Variants in DLK1 observed in about 807,000 individuals in gnomAD.
DLK1 encodes the protein protein delta homolog 1.
A neutral mutation model predicts 35.2 loss-of-function variants in DLK1; 9 were observed. The observed-to-expected ratio is 0.26, with a 90% confidence interval of 0.15 to 0.45. DLK1 has a LOEUF of 0.45. Among genes scored for constraint, DLK1 ranks in the 20% least tolerant of loss-of-function variants. The pLI is 1.00. For missense variants in DLK1, 522 were observed against 528.5 expected (o/e 0.99, Z 0.12); for synonymous variants, 231 against 228.4 (o/e 1.01, Z -0.10).
intron 3 of DLK1, among the ~76,000 whole-genome samples, chr14:100,729,663 C>G (rs536301915): frequency 6.6e-6 from 1 of 152,302 alleles, no homozygotes; most frequent in African/African-American, 2.4e-5. Context: ...TGGGTGTTAT[C>G]TGTTGATTTC....
rs866286349 is a variant in DLK1 at position 100,728,633 on chromosome 14, G to A, written c.131+174G>A. Reference sequence around the variant, plus strand: ...GGGGAGATGGGGGGGGCGGGGGGGGGGCAGCCACAGCTCCTGTCTGCGTTC... The same window carrying A: ...GGGGAGATGGGGGGGGCGGGGGGGGAGCAGCCACAGCTCCTGTCTGCGTTC... On this transcript the variant is annotated intron_variant, in intron 2 of 4. Coordinates refer to ENST00000341267, the MANE Select transcript of DLK1 (RefSeq NM_003836.7). The A allele has an allele frequency of 1.6e-5, 4 of 255,234 alleles. No individual in the cohort carries two copies. In the South Asian group the frequency reaches 1.8e-4, roughly 11 times the overall value. 15.8% of individuals were successfully genotyped at this position (255,234 alleles called of 1,614,324 possible). A position where few individuals can be genotyped will look rare whatever the true frequency, so the allele number is the denominator to read the frequency against.
At chr14:100,728,794 G>T (rs1156263904) in intron 2 of DLK1, 142 bp from the exon 3 acceptor site, 9 of 1,117,862 alleles carry the variant, frequency 8.1e-6, no homozygotes, top group African/African-American at 6.2e-5. Context: ...CATTCAGGTG[G>T]CTGGTGTTTA....
In DLK1 at chr14:100,727,012, C is replaced by T; in HGVS notation, c.-57C>T. ...CGCAACCAGAAGCCCAGTGCGGCGC[C>T]AGGAGCCGGACCCGCGCCCGCACCG... is the stretch of plus-strand genomic sequence containing the variant. On this transcript the variant is annotated 5_prime_UTR_variant, in exon 1 of 5. Coordinates refer to ENST00000341267, the MANE Select transcript of DLK1 (RefSeq NM_003836.7). The T allele has an allele frequency of 6.7e-7, 1 of 1,487,472 alleles. No homozygotes were observed. Among genetic ancestry groups the T allele is most frequent in the Non-Finnish European group, 8.9e-7 (1 of 1,120,082 alleles). 92.1% of individuals were successfully genotyped at this position (1,487,472 alleles called of 1,614,324 possible). A position where few individuals can be genotyped will look rare whatever the true frequency, so the allele number is the denominator to read the frequency against.
intron 3 of DLK1, among the ~76,000 whole-genome samples, chr14:100,729,652 A>T (rs1005461474): frequency 1.4e-4 from 22 of 152,174 alleles, no homozygotes; most frequent in African/African-American, 5.3e-4. Context: ...TAAAGTGAAG[A>T]TGGGTGTTAT....
At position 100,732,131 on chromosome 14, in the gene DLK1, G is replaced by C. The variant is rs781062510; in HGVS notation, c.352G>C (p.Gly118Arg). 24 of 1,613,998 alleles carry C rather than the reference G, an allele frequency of 1.5e-5. No individual in the cohort carries two copies. The African/African-American group carries it at 2.8e-4, about 19-fold the overall frequency. Residue 118 changes from glycine (G) to arginine (R), a missense_variant, in exon 4 of 5, where the codon GGG (glycine) becomes CGG (arginine). Transcript: ENST00000341267. ...DGLYECSCAP[G>R]YSGKDCQKKD... ...CCTCTATGAATGCTCCTGTGCCCCC[G>C]GGTACTCGGGAAAGGACTGCCAGAA...
At chr14:100,731,460 AAGAG>A (rs893593632) in intron 3 of DLK1, among the ~76,000 whole-genome samples, 1 of 152,110 alleles carries the variant, frequency 6.6e-6, no homozygotes, top group African/African-American at 2.4e-5. Context: ...TGAGTGCAGA[AAGAG>A]AGACCACAGG....
chr14:100,737,798 C>G lies in DLK1; in HGVS notation c.*2902C>G, dbSNP rs1162181265. 1 of 152,234 alleles carries G rather than the reference C, an allele frequency of 6.6e-6. No homozygotes were observed. The highest frequency in any genetic ancestry group is 1.5e-5 in the Non-Finnish European group (1 of 68,076). The allele number at this position is 152,234 out of a possible 1,614,324, so 9.4% of individuals were successfully genotyped here. A position where few individuals can be genotyped will look rare whatever the true frequency, so the allele number is the denominator to read the frequency against. On this transcript the variant is annotated 3_prime_UTR_variant, in exon 5 of 5. Coordinates refer to ENST00000341267, the MANE Select transcript of DLK1 (RefSeq NM_003836.7). The stretch of plus-strand genomic sequence containing the variant: ...TTCCCACGCAACAAATTATCTATTA[C>G]CAGCACCCGATGAGGCCGTCCCTCC...
intron 1 of DLK1, 110 bp downstream of exon 1, chr14:100,727,245 C>G: frequency 8.8e-7 from 1 of 1,136,552 alleles, no homozygotes; most frequent in South Asian, 1.8e-5. Flanking sequence ...CTCCGCCCGT[C>G]CCGCCTAGCC....
rs1402064877 is a variant in DLK1, at chr14:100,737,490, G to C, written c.*2594G>C. 1 of 152,058 alleles carries C rather than the reference G, an allele frequency of 6.6e-6. No homozygotes were observed. 9.4% of individuals were successfully genotyped at this position (152,058 alleles called of 1,614,324 possible). On this transcript the variant is annotated 3_prime_UTR_variant, in exon 5 of 5. Transcript: ENST00000341267. ...CTATAGAGAACAGCCATGTTCCCCT[G>C]ATAACAAGAAAAAGACGTCCCACGG...
chr14:100,727,173 G>A, intron 1 of DLK1, 38 bp downstream of exon 1: 1 of 1,523,560 alleles, frequency 6.6e-7, no homozygotes, highest in Non-Finnish European at 8.8e-7. Context: ...CCCCCTCTGG[G>A]GAAGCCTGCG....
rs1011988701 is a variant in DLK1, at chr14:100,737,235, A to G, written c.*2339A>G. ...CTCTTCCTTCCCCACGAAGTCATTC[A>G]TAAGTCACCATCTCATCTCATTTTG... On this transcript the variant is annotated 3_prime_UTR_variant, in exon 5 of 5. Transcript: ENST00000341267. The G allele has an allele frequency of 7.0e-6, 1 of 142,036 alleles. No individual in the cohort carries two copies. The highest frequency in any genetic ancestry group is 1.5e-5 in the Non-Finnish European group (1 of 66,310). The allele number at this position is 142,036 out of a possible 1,614,324, so 8.8% of individuals were successfully genotyped here.
chr14:100,728,523 G>C, intron 2 of DLK1, 64 bp downstream of exon 2: 1 of 1,571,708 alleles, frequency 6.4e-7, no homozygotes, highest in Non-Finnish European at 8.7e-7. Context: ...GAGTCGTGAA[G>C]TCAGGCAGAA....
rs377178293 is a variant in DLK1, at chr14:100,734,809, C to T, written c.1065C>T (p.Ser355=). The T allele has an allele frequency of 1.5e-4, 235 of 1,613,684 alleles. No individual in the cohort carries two copies. Among genetic ancestry groups the T allele is most frequent in the Non-Finnish European group, 1.8e-4 (218 of 1,179,970 alleles). The change falls in exon 5 of 5, where the codon AGC becomes AGT. Residue 355 remains serine, a synonymous_variant. Transcript: ENST00000341267. The surrounding 1 kb of genome is among the most constrained non-coding windows in gnomAD (Gnocchi z 7.4). The stretch of plus-strand genomic sequence containing the variant: ...AGAACCTGCTGCTTCAGTACAACAG[C>T]GGGGAGGACCTGGCCGTCAACATCA... The part of the protein sequence containing the change: ...KKKNLLLQYN[S]GEDLAVNIIF...
chr14:100,732,704 G>A (rs534681866), intron 4 of DLK1, among the ~76,000 whole-genome samples: 9 of 152,274 alleles, frequency 5.9e-5, no homozygotes, highest in Non-Finnish European at 1.0e-4. Flanking sequence ...CAGTGGGGAA[G>A]GGGGCTTTGG....
At chr14:100,728,579 GCCCCTGCAGAAAACTGGT>G in intron 2 of DLK1, 120 bp downstream of exon 2, 1 of 688,418 alleles carries the variant, frequency 1.5e-6, no homozygotes. Context: ...CAGCTTCCGG[GCCCCTGCAGAAAACTGGT>G]GGGGCGAGCT....
At chr14:100,731,942 C>T in intron 3 of DLK1, 100 bp from the exon 4 acceptor site, 1 of 1,441,360 alleles carries the variant, frequency 6.9e-7, no homozygotes, top group African/African-American at 1.4e-5. Context: ...CTCCAGACCC[C>T]ACTCGGTGGC....
rs763725446 is a variant in DLK1 at position 100,734,660 on chromosome 14, T to G, written c.916T>G (p.Cys306Gly). Residue 306 changes from cysteine to glycine, a missense_variant, in exon 5 of 5, where the codon TGC (cysteine) becomes GGC (glycine). Physicochemically the swap from Cys to Gly is radical, Grantham distance 159 (BLOSUM62 -3). Coordinates refer to ENST00000341267, the MANE Select transcript of DLK1 (RefSeq NM_003836.7). This position sits in a 1 kb window ranked among gnomAD's most constrained non-coding sequence, Gnocchi z 7.4. ...TCTCCTCACCGAGGGCCAGGCCATC[T>G]GCTTCACCATCCTGGGCGTGCTCAC... ...TPLLTEGQAI[C>G]FTILGVLTSL... is the part of the protein sequence containing the mutation. 1 of 1,614,056 alleles carries G rather than the reference T, an allele frequency of 6.2e-7. No individual in the cohort carries two copies. The highest frequency in any genetic ancestry group is 8.5e-7 in the Non-Finnish European group (1 of 1,180,032).
intron 4 of DLK1, among the ~76,000 whole-genome samples, chr14:100,732,449 A>G (rs1185291832): frequency 6.6e-6 from 1 of 152,220 alleles, no homozygotes; most frequent in Non-Finnish European, 1.5e-5. Context: ...AGTCGATCGG[A>G]ATGATGAACT....
intron 4 of DLK1, 86 bp downstream of exon 4, chr14:100,732,269 T>C: frequency 6.6e-7 from 1 of 1,522,594 alleles, no homozygotes; most frequent in South Asian, 1.3e-5. Context: ...CTGCTGGACC[T>C]GTCGTCTGAC....
Sources: gnomAD v4.1 joint callset for allele counts (sites outside exome capture counted in the v4.1 genomes callset) on GRCh38, gnomAD v4.1.1 for gene constraint, Gnocchi (gnomAD v3.1) non-coding constraint, MANE v1.5 for transcripts, NCBI Gene and HGNC (gene_info 2026-07-23, HGNC 2026-07-21) for gene names.